CELF2: variants seen among roughly 807,000 people sequenced by gnomAD.
CELF2 encodes CUG triplet repeat RNA-binding protein 2.
CELF2 carries 8 observed loss-of-function variants against 62.6 expected under a neutral mutation model. The ratio of observed to expected loss-of-function variants is 0.13; its 90% CI spans 0.07 to 0.23. CELF2 has a LOEUF of 0.23. Among genes scored for constraint, CELF2 ranks in the 10% least tolerant of loss-of-function variants. The pLI is 1.00. For missense variants in CELF2, 333 were observed against 671.0 expected, an observed-to-expected ratio of 0.50 and a Z score of 5.56; for synonymous variants, 258 against 250.0, an observed-to-expected ratio of 1.03 and a Z score of -0.30.
rs1049896199 is a variant in CELF2, at chr10:11,008,741, C to T, written c.53+3301C>T. 2.0e-5 allele frequency among the ~76,000 whole-genome samples: 3 copies of T among 152,132 alleles called. No individual in the cohort carries two copies. Among genetic ancestry groups the T allele is most frequent in the African/African-American group, 4.8e-5 (2 of 41,434 alleles). ...TATTTAAGGTGTCAGAATTCATAGACGAAAAGCATACCTTGGTTTTGTCAT... is the reference window on the plus strand; with the variant it reads ...TATTTAAGGTGTCAGAATTCATAGATGAAAAGCATACCTTGGTTTTGTCAT... On this transcript the variant is annotated intron_variant, in intron 1 of 12. Transcript: ENST00000416382. The surrounding 1 kb of genome is among the most constrained non-coding windows in gnomAD (Gnocchi z 4.5).
At chr10:10,654,875 C>T in the CELF2 span, among the ~76,000 whole-genome samples, 64,248 of 147,478 alleles carry the variant, frequency 0.44, 14,493 homozygotes, top group South Asian at 0.69. Flanking sequence ...CCAGGGAAAT[C>T]GGGCAGGAGA....
chr10:10,508,680 G>C, the CELF2 span, among the ~76,000 whole-genome samples: 1 of 77,586 alleles, frequency 1.3e-5, no homozygotes, highest in East Asian at 1.3e-3. Flanking sequence ...GTGTGTGTGT[G>C]TGTGTGTGTG....
chr10:10,757,765 T>C, the CELF2 span, among the ~76,000 whole-genome samples: 1 of 152,256 alleles, frequency 6.6e-6, no homozygotes, highest in African/African-American at 2.4e-5. Context: ...CTTCCCTTTC[T>C]TTAGCAATGT....
At chr10:10,587,907 C>T in the CELF2 span, among the ~76,000 whole-genome samples, 9 of 152,062 alleles carry the variant, frequency 5.9e-5, no homozygotes, top group Non-Finnish European at 8.8e-5. Context: ...AATAGATACC[C>T]GCAGATTTGG....
At chr10:10,561,105 A>C in the CELF2 span, among the ~76,000 whole-genome samples, 1 of 152,338 alleles carries the variant, frequency 6.6e-6, no homozygotes, top group East Asian at 1.9e-4. Context: ...GGCTCTCACA[A>C]ATATCCACTA....
intron 2 of CELF2, among the ~76,000 whole-genome samples, chr10:10,978,961 C>A (rs1463748518): frequency 6.6e-6 from 1 of 152,168 alleles, no homozygotes; most frequent in Non-Finnish European, 1.5e-5. Flanking sequence ...CTGTGTTGAC[C>A]TTGTAGCCCA....
chr10:11,331,855 C>G lies in CELF2; in HGVS notation c.*2802C>G, dbSNP rs1226877811. The G allele has an allele frequency of 6.5e-6, 1 of 152,692 alleles. No individual in the cohort carries two copies. The highest frequency in any genetic ancestry group is 1.5e-5 in the Non-Finnish European group (1 of 68,020). The allele number at this position is 152,692 out of a possible 1,614,324, so 9.5% of individuals were successfully genotyped here. ...AGTTTTGAACTTTTAACCCTTTCTACCCAGAGCTATCTGGAATGTTGATGA... is the reference window on the plus strand; with the variant it reads ...AGTTTTGAACTTTTAACCCTTTCTAGCCAGAGCTATCTGGAATGTTGATGA... On this transcript the variant is annotated 3_prime_UTR_variant, in exon 13 of 13. Transcript: ENST00000633077.
At position 11,008,325 on chromosome 10, in the gene CELF2, C is replaced by G. The variant is rs530882812; in HGVS notation, c.53+2885C>G. ...TTCTGCCATGAGCTTTGGGAATATTCACATAGATGTGTTCAGCAGACCACA... is the reference window on the plus strand; with the variant it reads ...TTCTGCCATGAGCTTTGGGAATATTGACATAGATGTGTTCAGCAGACCACA... On this transcript the variant is annotated intron_variant, in intron 1 of 12. Coordinates refer to the CELF2 transcript ENST00000416382. The surrounding 1 kb of genome is among the most constrained non-coding windows in gnomAD (Gnocchi z 4.5). Among the ~76,000 whole-genome samples, 1 of 152,188 alleles carries G rather than the reference C, an allele frequency of 6.6e-6. No individual in the cohort carries two copies. The highest frequency in any genetic ancestry group is 1.5e-5 in the Non-Finnish European group (1 of 68,030).
intron 2 of CELF2, among the ~76,000 whole-genome samples, chr10:11,208,287 C>T (rs1402780059): frequency 6.6e-6 from 1 of 151,924 alleles, no homozygotes; most frequent in African/African-American, 2.4e-5. Context: ...AGAGGCACAT[C>T]CACAGGAGAA....
Position 11,318,817 on chromosome 10 carries a change from C to T in CELF2, c.1097-2372C>T. 2.1e-6 allele frequency: 1 copy of T among 471,308 alleles called. No individual in the cohort carries two copies. Among genetic ancestry groups the T allele is most frequent in the Non-Finnish European group, 4.4e-6 (1 of 227,076 alleles). The allele number at this position is 471,308 out of a possible 1,614,324, so 29.2% of individuals were successfully genotyped here. On this transcript the variant is annotated intron_variant, in intron 10 of 12. Transcript: ENST00000633077. This position sits in a 1 kb window ranked among gnomAD's most constrained non-coding sequence, Gnocchi z 5.4. ...TCCCAGTGACCACTGCCATAAAATG[C>T]CACCTGTGTATCTGGCACTCTGGAG... is the stretch of plus-strand genomic sequence containing the variant.
chr10:10,502,694 T>C, the CELF2 span, among the ~76,000 whole-genome samples: 1 of 151,952 alleles, frequency 6.6e-6, no homozygotes, highest in East Asian at 1.9e-4. Context: ...GCTTGTCAGT[T>C]TTATTGATTT....
chr10:10,651,049 C>A, the CELF2 span, among the ~76,000 whole-genome samples: 2 of 151,812 alleles, frequency 1.3e-5, no homozygotes, highest in Admixed American at 6.6e-5. Flanking sequence ...CGAGGCATTG[C>A]CTCACTTGGG....
chr10:10,501,955 C>T, the CELF2 span, among the ~76,000 whole-genome samples: 1 of 152,028 alleles, frequency 6.6e-6, no homozygotes, highest in Admixed American at 6.6e-5. Flanking sequence ...ATTCCTGTTT[C>T]TTTTTCAAGA....
intron 9 of CELF2, among the ~76,000 whole-genome samples, chr10:11,301,535 G>C (rs1367444753): frequency 2.6e-5 from 3 of 113,742 alleles, no homozygotes; most frequent in South Asian, 3.8e-4. Context: ...CCCCGCTCCC[G>C]CTGCCCCCGG....
At chr10:11,198,404 T>C (rs1281453647) in intron 2 of CELF2, among the ~76,000 whole-genome samples, 2 of 152,220 alleles carry the variant, frequency 1.3e-5, no homozygotes, top group Non-Finnish European at 2.9e-5. Context: ...GTCTGGAAGC[T>C]TTAGAGCAAG....
rs2074737584 is a variant in CELF2, at chr10:11,243,733, C to T, written c.355-5420C>T. The stretch of plus-strand genomic sequence containing the variant: ...GAACAGCATAGACAGATCATGACAG[C>T]ACAGACCACTGAAGATTTTTTTAGA... On this transcript the variant is annotated intron_variant, in intron 3 of 12. Transcript: ENST00000633077. This position sits in a 1 kb window ranked among gnomAD's most constrained non-coding sequence, Gnocchi z 4.1. Among the ~76,000 whole-genome samples, 1 of 152,220 alleles carries T rather than the reference C, an allele frequency of 6.6e-6. No individual in the cohort carries two copies. Among genetic ancestry groups the T allele is most frequent in the South Asian group, 2.1e-4 (1 of 4,828 alleles).
the CELF2 span, among the ~76,000 whole-genome samples, chr10:10,711,580 C>T: frequency 6.6e-6 from 1 of 152,112 alleles, no homozygotes; most frequent in African/African-American, 2.4e-5. Context: ...ACCACATGCA[C>T]CATGAAAATA....
upstream of CELF2, among the ~76,000 whole-genome samples, chr10:11,016,726 C>G (rs1048328617): frequency 5.3e-5 from 8 of 152,158 alleles, no homozygotes; most frequent in Admixed American, 5.2e-4. The surrounding 1 kb of genome is among the most constrained non-coding windows in gnomAD (Gnocchi z 5.2). Flanking sequence ...GCCCAGCTTC[C>G]TAGCACAGTT....
intron 1 of CELF2, among the ~76,000 whole-genome samples, chr10:11,022,307 G>A (rs1352801185): frequency 6.6e-6 from 1 of 152,200 alleles, no homozygotes; most frequent in East Asian, 1.9e-4. Context: ...GAACACTGAT[G>A]TTATCTTTGA....
Sources: gnomAD v4.1 joint callset for allele counts (sites outside exome capture counted in the v4.1 genomes callset) on GRCh38, gnomAD v4.1.1 for gene constraint, Gnocchi (gnomAD v3.1) non-coding constraint, MANE v1.5 for transcripts, NCBI Gene and HGNC (gene_info 2026-07-23, HGNC 2026-07-21) for gene names.